The following LYPLAL1 variants were observed in gnomAD, a reference collection of about 807,000 sequenced individuals.
The protein encoded by LYPLAL1 is lysophospholipase-like protein 1.
Under a neutral mutation model 19.7 loss-of-function variants are expected in LYPLAL1, and 23 were observed. The ratio of observed to expected loss-of-function variants is 1.17; its 90% CI spans 0.84 to 1.65. LYPLAL1 has a LOEUF of 1.65. LYPLAL1 is among the 40% of genes most tolerant of loss of function. The pLI, the probability that LYPLAL1 is intolerant of heterozygous loss-of-function variation, is 0.00. For missense variants in LYPLAL1, 355 were observed against 279.4 expected, an observed-to-expected ratio of 1.27 and a Z score of -1.93; for synonymous variants, 119 against 96.3, an observed-to-expected ratio of 1.24 and a Z score of -1.38.
chr1:219,295,870 C>T, the LYPLAL1 span, among the ~76,000 whole-genome samples: 11 of 152,242 alleles, frequency 7.2e-5, no homozygotes, highest in South Asian at 1.0e-3. Context: ...CAGCACCTTC[C>T]GCTAAATCCC....
chr1:219,260,481 A>G, the LYPLAL1 span, among the ~76,000 whole-genome samples: 1 of 151,780 alleles, frequency 6.6e-6, no homozygotes, highest in South Asian at 2.1e-4. Context: ...TGAAATAACT[A>G]AAGAAAAGTG....
the LYPLAL1 span, among the ~76,000 whole-genome samples, chr1:219,374,256 A>C: frequency 3.3e-5 from 5 of 152,044 alleles, no homozygotes; most frequent in African/African-American, 1.2e-4. Context: ...AGAACGGCTG[A>C]ATCTTTATGT....
At chr1:219,360,598 A>G in the LYPLAL1 span, among the ~76,000 whole-genome samples, 3 of 152,178 alleles carry the variant, frequency 2.0e-5, no homozygotes, top group African/African-American at 4.8e-5. Flanking sequence ...AAGGGCCAGA[A>G]TGAAAAGGAT....
the LYPLAL1 span, among the ~76,000 whole-genome samples, chr1:219,278,279 T>A: frequency 6.6e-6 from 1 of 152,182 alleles, no homozygotes; most frequent in South Asian, 2.1e-4. Context: ...CCTCTTTTTG[T>A]CTGAGGACTC....
At chr1:219,317,461 T>C in the LYPLAL1 span, among the ~76,000 whole-genome samples, 1 of 152,148 alleles carries the variant, frequency 6.6e-6, no homozygotes, top group East Asian at 1.9e-4. Context: ...CAACCATCTT[T>C]AGAAAAGCAA....
At chr1:219,206,110 T>C (rs2125105347) in intron 3 of LYPLAL1, among the ~76,000 whole-genome samples, 1 of 152,244 alleles carries the variant, frequency 6.6e-6, no homozygotes, top group East Asian at 1.9e-4. Flanking sequence ...TGGATTTTTT[T>C]AAGGATTTTA....
intron 1 of LYPLAL1, chr1:219,175,104 T>G (rs1418439411): frequency 1.0e-6 from 1 of 985,142 alleles, no homozygotes; most frequent in East Asian, 1.1e-4. Context: ...TGGGAGGTAT[T>G]CTCTTTATTT....
At chr1:219,380,907 G>A in the LYPLAL1 span, among the ~76,000 whole-genome samples, 1 of 152,138 alleles carries the variant, frequency 6.6e-6, no homozygotes, top group African/African-American at 2.4e-5. Context: ...GCAAAAACAG[G>A]CACCAGGCTG....
At chr1:219,294,901 T>C in the LYPLAL1 span, among the ~76,000 whole-genome samples, 22 of 152,000 alleles carry the variant, frequency 1.4e-4, no homozygotes, top group African/African-American at 5.1e-4. Context: ...TGGGATGACC[T>C]TTCCAGAGTT....
chr1:219,405,579 C>G, the LYPLAL1 span, among the ~76,000 whole-genome samples: 1 of 152,162 alleles, frequency 6.6e-6, no homozygotes, highest in Non-Finnish European at 1.5e-5. Context: ...TTCTGAAACA[C>G]TAAAATTCTC....
At chr1:219,256,381 C>T in the LYPLAL1 span, among the ~76,000 whole-genome samples, 1 of 151,722 alleles carries the variant, frequency 6.6e-6, no homozygotes, top group Admixed American at 6.6e-5. Context: ...AATATCTTTA[C>T]AAAATGTAAT....
chr1:219,229,164 A>G, the LYPLAL1 span, among the ~76,000 whole-genome samples: 1 of 151,894 alleles, frequency 6.6e-6, no homozygotes, highest in African/African-American at 2.4e-5. Context: ...AGAGGTATGT[A>G]AATATTTCTT....
At chr1:219,257,049 G>A in the LYPLAL1 span, among the ~76,000 whole-genome samples, 1 of 151,860 alleles carries the variant, frequency 6.6e-6, no homozygotes, top group African/African-American at 2.4e-5. Context: ...ATCCTACTAT[G>A]CCAATTGGAT....
At chr1:219,379,175 C>T in the LYPLAL1 span, among the ~76,000 whole-genome samples, 2 of 152,132 alleles carry the variant, frequency 1.3e-5, no homozygotes, top group Non-Finnish European at 2.9e-5. Context: ...CTTCTGTTAA[C>T]CTCTAATTCA....
At chr1:219,251,098 T>A in the LYPLAL1 span, among the ~76,000 whole-genome samples, 1 of 152,112 alleles carries the variant, frequency 6.6e-6, no homozygotes, top group Non-Finnish European at 1.5e-5. Flanking sequence ...GCTGCATGGC[T>A]GTTTATGTCC....
the LYPLAL1 span, among the ~76,000 whole-genome samples, chr1:219,401,502 G>C: frequency 2.0e-5 from 3 of 151,020 alleles, no homozygotes; most frequent in Non-Finnish European, 4.4e-5. Context: ...TTATAAAAGT[G>C]TTTCAATTTT....
chr1:219,241,052 A>ATATATC, the LYPLAL1 span, among the ~76,000 whole-genome samples: 1 of 147,334 alleles, frequency 6.8e-6, no homozygotes, highest in Non-Finnish European at 1.5e-5. Flanking sequence ...AAATATCTAT[A>ATATATC]TATATCTATA....
At chr1:219,255,099 G>A in the LYPLAL1 span, among the ~76,000 whole-genome samples, 1 of 151,522 alleles carries the variant, frequency 6.6e-6, no homozygotes, top group African/African-American at 2.4e-5. Flanking sequence ...ACTTTTATAG[G>A]CTCTTTAAAT....
Position 219,212,612 on chromosome 1 carries a change from G to GT in LYPLAL1, c.*887dup, listed in dbSNP as rs1344730688. On this transcript the variant is annotated 3_prime_UTR_variant, in exon 5 of 5. Transcript: ENST00000366928. ...CTAATTTTATTTGATCCTCACAACTGTTTAAGTTTTATTAAATATACATTA... is the reference window on the plus strand; with the variant it reads ...CTAATTTTATTTGATCCTCACAACTGTTTTAAGTTTTATTAAATATACATTA... 4.6e-5 allele frequency: 7 copies of GT among 152,062 alleles called. No individual in the cohort carries two copies. Among genetic ancestry groups the GT allele is most frequent in the Middle Eastern group, 3.4e-3 (1 of 294 alleles). 9.4% of individuals were successfully genotyped at this position (152,062 alleles called of 1,614,324 possible).
Sources: gnomAD v4.1 joint callset for allele counts (sites outside exome capture counted in the v4.1 genomes callset) on GRCh38, gnomAD v4.1.1 for gene constraint, MANE v1.5 for transcripts, NCBI Gene and HGNC (gene_info 2026-07-23, HGNC 2026-07-21) for gene names.